The following KCNIP4 variants were observed in gnomAD, a reference collection of about 807,000 sequenced individuals.
KCNIP4 encodes the protein Kv channel-interacting protein 4.
A neutral mutation model predicts 34.0 loss-of-function variants in KCNIP4; 12 were observed. The ratio of observed to expected loss-of-function variants is 0.35; its 90% CI spans 0.23 to 0.57. KCNIP4 has a LOEUF of 0.57. KCNIP4 is among the 20% of genes least tolerant of loss of function. KCNIP4 has a pLI of 0.83. For synonymous variants in KCNIP4, 124 were observed against 102.2 expected (o/e 1.21, Z -1.29); for missense variants, 238 against 311.7 (o/e 0.76, Z 1.78).
chr4:21,760,637 GC>G (rs1427300494), intron 1 of KCNIP4, among the ~76,000 whole-genome samples: 1 of 151,576 alleles, frequency 6.6e-6, no homozygotes, highest in Non-Finnish European at 1.5e-5. Context: ...TAGCTCCATG[GC>G]TGTTTTCTCC....
At chr4:21,022,430 C>T (rs796570703) in intron 1 of KCNIP4, among the ~76,000 whole-genome samples, 14 of 152,274 alleles carry the variant, frequency 9.2e-5, no homozygotes, top group African/African-American at 3.1e-4. Flanking sequence ...AAAGATCTGC[C>T]GATGCAAAAC....
intron 1 of KCNIP4, among the ~76,000 whole-genome samples, chr4:21,077,950 T>A (rs1026642966): frequency 6.6e-6 from 1 of 152,116 alleles, no homozygotes; most frequent in Non-Finnish European, 1.5e-5. Flanking sequence ...AAAGTATATC[T>A]AAATTAGAAG....
At chr4:21,134,106 C>A (rs1751312135) in intron 1 of KCNIP4, among the ~76,000 whole-genome samples, 1 of 152,102 alleles carries the variant, frequency 6.6e-6, no homozygotes, top group African/African-American at 2.4e-5. Context: ...GAGGTCTCCC[C>A]AGACCACCCA....
intron 1 of KCNIP4, among the ~76,000 whole-genome samples, chr4:21,634,455 A>C (rs1745986801): frequency 6.6e-6 from 1 of 152,102 alleles, no homozygotes; most frequent in Non-Finnish European, 1.5e-5. Flanking sequence ...TAGAACTGGG[A>C]GGATCTTCAG....
intron 1 of KCNIP4, among the ~76,000 whole-genome samples, chr4:21,547,500 T>G (rs545290179): frequency 6.6e-6 from 1 of 152,208 alleles, no homozygotes; most frequent in East Asian, 1.9e-4. Context: ...ATAATATTGC[T>G]CACAATGAAA....
At chr4:21,330,564 G>C (rs1715526354) in intron 1 of KCNIP4, among the ~76,000 whole-genome samples, 1 of 152,150 alleles carries the variant, frequency 6.6e-6, no homozygotes, top group African/African-American at 2.4e-5. Context: ...GAAAAGCTTT[G>C]TGTATTAATT....
intron 1 of KCNIP4, among the ~76,000 whole-genome samples, chr4:21,825,849 T>C (rs1158835767): frequency 6.6e-6 from 1 of 152,036 alleles, no homozygotes; most frequent in East Asian, 1.9e-4. Flanking sequence ...GTTCTGTGAA[T>C]AAAACAAAAC....
At chr4:21,739,043 T>C (rs1369944264) in intron 1 of KCNIP4, among the ~76,000 whole-genome samples, 1 of 152,160 alleles carries the variant, frequency 6.6e-6, no homozygotes, top group Middle Eastern at 3.2e-3. Context: ...TTGACCCAAT[T>C]ATCTTAGACA....
chr4:21,009,207 G>A (rs1033085190), intron 1 of KCNIP4, among the ~76,000 whole-genome samples: 6 of 152,008 alleles, frequency 3.9e-5, no homozygotes, highest in Admixed American at 6.6e-5. Flanking sequence ...GTGAGGAGTG[G>A]GATTCATGTT....
At chr4:20,969,849 T>C (rs1011116801) in intron 1 of KCNIP4, among the ~76,000 whole-genome samples, 5 of 152,052 alleles carry the variant, frequency 3.3e-5, no homozygotes, top group African/African-American at 9.7e-5. Context: ...TTTAAATCTA[T>C]ATAAAATTTT....
intron 1 of KCNIP4, among the ~76,000 whole-genome samples, chr4:21,273,050 C>T (rs1762245035): frequency 6.6e-6 from 1 of 152,170 alleles, no homozygotes; most frequent in African/African-American, 2.4e-5. Context: ...CTGGCAGATT[C>T]TTAAGGTACT....
intron 1 of KCNIP4, among the ~76,000 whole-genome samples, chr4:21,213,011 G>A (rs904358184): frequency 6.6e-6 from 1 of 152,030 alleles, no homozygotes; most frequent in African/African-American, 2.4e-5. Flanking sequence ...TTTTTAGGAG[G>A]ACAAGGATGA....
intron 1 of KCNIP4, among the ~76,000 whole-genome samples, chr4:21,803,992 G>A (rs550640256): frequency 1.3e-5 from 2 of 152,268 alleles, no homozygotes; most frequent in African/African-American, 4.8e-5. Flanking sequence ...AAGCAACCAC[G>A]TGGAACCATG....
chr4:21,921,706 T>C (rs1036608724), intron 1 of KCNIP4, among the ~76,000 whole-genome samples: 3 of 152,106 alleles, frequency 2.0e-5, no homozygotes, highest in Non-Finnish European at 2.9e-5. Flanking sequence ...ACCTGCACAA[T>C]ACATCTTGAA....
rs1745749395 is a variant in KCNIP4, at chr4:21,631,289, T to G, written c.61+317282A>C. Among the ~76,000 whole-genome samples, 3 of 152,210 alleles carry G rather than the reference T, an allele frequency of 2.0e-5. No individual in the cohort carries two copies. In the South Asian group the frequency reaches 6.2e-4, roughly 31 times the overall value. Reference sequence around the variant, plus strand: ...TGAATGTACTTAAGAGAAAAAAAGATAGTAATATAAGCCATGCTTTTATTT... The same window carrying G: ...TGAATGTACTTAAGAGAAAAAAAGAGAGTAATATAAGCCATGCTTTTATTT... On this transcript the variant is annotated intron_variant, in intron 1 of 8. Transcript: ENST00000382152.
At chr4:21,187,653 G>A (rs1424854515) in intron 1 of KCNIP4, among the ~76,000 whole-genome samples, 3 of 152,100 alleles carry the variant, frequency 2.0e-5, no homozygotes, top group Non-Finnish European at 4.4e-5. Context: ...TTACAATAAT[G>A]CCCTATGGTT....
chr4:21,086,794 A>G (rs1368453926), intron 1 of KCNIP4, among the ~76,000 whole-genome samples: 2 of 151,936 alleles, frequency 1.3e-5, no homozygotes, highest in Admixed American at 6.6e-5. Flanking sequence ...TCTGTTGGTT[A>G]AAATCTCTCT....
chr4:21,818,238 G>A (rs1722110002), intron 1 of KCNIP4, among the ~76,000 whole-genome samples: 1 of 152,110 alleles, frequency 6.6e-6, no homozygotes, highest in South Asian at 2.1e-4. Context: ...GAAATATTGG[G>A]GGTGGGTTCC....
chr4:21,398,894 GATCA>G (rs1379105663), intron 1 of KCNIP4, among the ~76,000 whole-genome samples: 1 of 152,092 alleles, frequency 6.6e-6, no homozygotes, highest in Non-Finnish European at 1.5e-5. Context: ...TGTGTAAACT[GATCA>G]ATCAAATTAA....
Sources: allele counts gnomAD v4.1 joint callset (sites outside exome capture counted in the v4.1 genomes callset), GRCh38; gene constraint gnomAD v4.1.1; transcripts MANE v1.5; gene names NCBI Gene and HGNC (gene_info 2026-07-23, HGNC 2026-07-21).